Variants in WDR46 observed in about 807,000 individuals in gnomAD.
WDR46 encodes WD repeat-containing protein 46.
A neutral mutation model predicts 74.7 loss-of-function variants in WDR46; 58 were observed. The observed-to-expected ratio is 0.78, with a 90% confidence interval of 0.63 to 0.97. The LOEUF is 0.97. Ranked by LOEUF, WDR46 falls within the 50% of genes least tolerant of loss-of-function variation. The probability of loss-of-function intolerance (pLI) is 0.00; values close to 1 mark genes in which losing one functional copy is unlikely to be tolerated. For synonymous variants in WDR46, 278 were observed against 297.3 expected (o/e 0.93, Z 0.67); for missense variants, 702 against 790.1 (o/e 0.89, Z 1.34).
chr6:33,280,929 A>G lies in WDR46; in HGVS notation c.1174T>C (p.Tyr392His), dbSNP rs1389342352. The part of the protein sequence containing the change: ...QLKIFDLRGT[Y>H]QPLSTRTLPH... Reference sequence around the variant, plus strand: ...AGGGTCCGAGTGCTCAGAGGCTGGTACGTCCCTCGCAAGTCAAAGATCTTC... The same window carrying G: ...AGGGTCCGAGTGCTCAGAGGCTGGTGCGTCCCTCGCAAGTCAAAGATCTTC... Residue 392 changes from tyrosine to histidine, a missense_variant, in exon 11 of 15, where the codon TAC (tyrosine) becomes CAC (histidine). By Grantham distance (83) the Tyr-to-His change is moderately conservative. Transcript: ENST00000374617. 2 of 1,614,044 alleles carry G rather than the reference A, an allele frequency of 1.2e-6. No individual in the cohort carries two copies. The highest frequency in any genetic ancestry group is 3.3e-5 in the Admixed American group (2 of 60,008).
intron 10 of WDR46, among the ~76,000 whole-genome samples, chr6:33,283,252 G>C (rs760000207): frequency 6.6e-6 from 1 of 151,350 alleles, no homozygotes; most frequent in Non-Finnish European, 1.5e-5. Context: ...AGCGGGTGGT[G>C]GGGGGGGTGG....
rs749139919 is a variant in WDR46, at chr6:33,287,359, G to A, written c.875C>T (p.Thr292Ile). 1 of 1,612,910 alleles carries A rather than the reference G, an allele frequency of 6.2e-7. No individual in the cohort carries two copies. The highest frequency in any genetic ancestry group is 2.2e-5 in the East Asian group (1 of 44,820). Residue 292 changes from threonine (T) to isoleucine (I), a missense_variant, in exon 8 of 15, where the codon ACA (threonine) becomes ATA (isoleucine). By Grantham distance (89) the Thr-to-Ile change is moderately conservative. Coordinates refer to ENST00000374617, the MANE Select transcript of WDR46 (RefSeq NM_005452.6). ...EFLPFHFLLA[T>I]ASETGFLTYL... ...CTGAGCTCCATGGCCACTCACAGCT[G>A]TAGCCAGGAGGAAGTGGAAGGGCAG...
rs752198390 is a variant in WDR46 at position 33,279,233 on chromosome 6, G to C, written c.*43C>G. ...AGGGAACACTCATTTCCCTACAGGT[G>C]ATCTTGGGGAGAGACTGTTCCCAGG... On this transcript the variant is annotated 3_prime_UTR_variant, in exon 15 of 15. Coordinates refer to ENST00000374617, the MANE Select transcript of WDR46 (RefSeq NM_005452.6). The C allele has an allele frequency of 6.2e-7, 1 of 1,611,232 alleles. No homozygotes were observed. Among genetic ancestry groups the C allele is most frequent in the Admixed American group, 1.7e-5 (1 of 59,898 alleles).
chr6:33,288,225 C>T lies in WDR46; in HGVS notation c.484G>A (p.Gly162Arg). ...TTTGCTGTGTCTTCCCCATCCTCCC[C>T]TTCCAGAAACCTGAAAGCAAGGGTT... ...LLAEEPGFLE[G>R]EDGEDTAKIC... Residue 162 changes from glycine to arginine, a missense_variant, in exon 5 of 15, where the codon GGG becomes AGG. By Grantham distance (125) the Gly-to-Arg change is moderately radical. Transcript: ENST00000374617. 1.2e-6 allele frequency: 2 copies of T among 1,614,242 alleles called. No individual in the cohort carries two copies. The highest frequency in any genetic ancestry group is 1.7e-6 in the Non-Finnish European group (2 of 1,180,044).
chr6:33,288,527 C>T lies in WDR46; in HGVS notation c.361-57G>A. 3 of 1,609,878 alleles carry T rather than the reference C, an allele frequency of 1.9e-6. No homozygotes were observed. The South Asian group carries it at 3.3e-5, about 18-fold the overall frequency. On this transcript the variant is annotated intron_variant, in intron 3 of 14. Transcript: ENST00000374617. The stretch of plus-strand genomic sequence containing the variant: ...AAGAACCACAGGATAAGTGGGGTCA[C>T]AGGAGAGCTACCTGTCCCAGCCTCC...
chr6:33,287,046 A>G, intron 9 of WDR46, 45 bp downstream of exon 9: 1 of 1,596,674 alleles, frequency 6.3e-7, no homozygotes, highest in African/African-American at 1.3e-5. Context: ...TATAGAAGAA[A>G]AGCAAGTCAG....
In WDR46 at chr6:33,280,979, G is replaced by T; in HGVS notation, c.1124C>A (p.Ala375Asp). Residue 375 changes from alanine (A) to aspartate (D), a missense_variant, in exon 11 of 15, where the codon GCC (alanine) becomes GAC (aspartate). Coordinates refer to ENST00000374617, the MANE Select transcript of WDR46 (RefSeq NM_005452.6). The part of the protein sequence containing the change: ...VAVDSTGTYM[A>D]TSGLDHQLKI... ...CAGCTGGTGGTCTAGGCCAGAGGTG[G>T]CCATGTACCTGGTGAGAGAAGAGGG... 6.2e-7 allele frequency: 1 copy of T among 1,603,898 alleles called. No homozygotes were observed. The highest frequency in any genetic ancestry group is 1.1e-5 in the South Asian group (1 of 90,296).
At position 33,288,815 on chromosome 6, in the gene WDR46, C is replaced by T; in HGVS notation, c.268G>A (p.Gly90Ser). The T allele has an allele frequency of 6.2e-7, 1 of 1,614,112 alleles. No homozygotes were observed. The highest frequency in any genetic ancestry group is 8.5e-7 in the Non-Finnish European group (1 of 1,180,000). The stretch of plus-strand genomic sequence containing the variant: ...GGTCCCACGCTCACCCCGGACAAGC[C>T]GCGCTGGGACTCCGGGTTCTTCCAT... ...REWKNPESQR[G>S]LSGTQDPFPG... The change falls in exon 2 of 15, where the codon GGC (glycine) becomes AGC (serine). Residue 90 changes from glycine to serine, a missense_variant. Coordinates refer to ENST00000374617, the MANE Select transcript of WDR46 (RefSeq NM_005452.6).
Position 33,288,816 on chromosome 6 carries a change from G to A in WDR46, c.267C>T (p.Arg89=). The A allele has an allele frequency of 6.2e-7, 1 of 1,614,118 alleles. No individual in the cohort carries two copies. The highest frequency in any genetic ancestry group is 1.1e-5 in the South Asian group (1 of 91,082). The change falls in exon 2 of 15, where the codon CGC becomes CGT. Residue 89 remains arginine, a synonymous_variant. Transcript: ENST00000374617. ...GTCCCACGCTCACCCCGGACAAGCC[G>A]CGCTGGGACTCCGGGTTCTTCCATT... ...PREWKNPESQ[R]GLSGTQDPFP...
At chr6:33,286,169 A>AG (rs1215414998) in intron 10 of WDR46, among the ~76,000 whole-genome samples, 7 of 150,114 alleles carry the variant, frequency 4.7e-5, no homozygotes, top group South Asian at 2.1e-4. Context: ...AAAAAAGGTC[A>AG]GGCGCAGTGG....
intron 10 of WDR46, among the ~76,000 whole-genome samples, chr6:33,286,404 G>A (rs774132690): frequency 4.6e-5 from 7 of 152,016 alleles, no homozygotes; most frequent in Non-Finnish European, 8.8e-5. Flanking sequence ...CTGAGATTGC[G>A]CCATTGCACT....
chr6:33,280,691 G>A lies in WDR46; in HGVS notation c.1412C>T (p.Thr471Ile), dbSNP rs759112796. The A allele has an allele frequency of 6.3e-7, 1 of 1,586,062 alleles. No homozygotes were observed. Among genetic ancestry groups the A allele is most frequent in the African/African-American group, 1.3e-5 (1 of 74,512 alleles). ...CCACTCACCAGGGACCAGCATGCTG[G>A]TGATGCCCCCAGTGTGCCCCACCCC... Reference protein sequence around the residue: ...VLGVGHTGGITSMLVPGAGEP... With the variant: ...VLGVGHTGGIISMLVPGAGEP... Residue 471 changes from threonine to isoleucine, a missense_variant, in exon 11 of 15, where the codon ACC becomes ATC. By Grantham distance (89) the Thr-to-Ile change is moderately conservative (BLOSUM62 -1). Coordinates refer to ENST00000374617, the MANE Select transcript of WDR46 (RefSeq NM_005452.6).
intron 10 of WDR46, among the ~76,000 whole-genome samples, chr6:33,283,360 G>C (rs948718493): frequency 3.9e-5 from 6 of 152,164 alleles, no homozygotes; most frequent in African/African-American, 1.4e-4. Flanking sequence ...GGAGGTTGAG[G>C]TAGGAGGACC....
chr6:33,288,265 G>T (rs1389039745), intron 4 of WDR46, 30 bp from the exon 5 acceptor site: 1 of 1,613,940 alleles, frequency 6.2e-7, no homozygotes, highest in Admixed American at 1.7e-5. Context: ...TGGCAGTAAA[G>T]CTTCCCAATA....
Position 33,289,187 on chromosome 6 carries a change from G to C in WDR46, c.-17C>G, listed in dbSNP as rs975431129. The stretch of plus-strand genomic sequence containing the variant: ...TGTCTCCATCTCGCCCACCCGAACG[G>C]CGATCCACGTGCAAAACTCCTCTCA... On this transcript the variant is annotated 5_prime_UTR_variant, in exon 1 of 15. Transcript: ENST00000374617. 2 of 1,604,816 alleles carry C rather than the reference G, an allele frequency of 1.2e-6. No individual in the cohort carries two copies. The highest frequency in any genetic ancestry group is 1.7e-6 in the Non-Finnish European group (2 of 1,176,010).
In WDR46 at chr6:33,280,418, G is replaced by A. The variant is rs1316882656; in HGVS notation, c.1524+10C>T. The A allele has an allele frequency of 6.4e-7, 1 of 1,563,528 alleles. No homozygotes were observed. The highest frequency in any genetic ancestry group is 1.4e-5 in the African/African-American group (1 of 73,900). On this transcript the variant is annotated intron_variant, in intron 12 of 14. Coordinates refer to ENST00000374617, the MANE Select transcript of WDR46 (RefSeq NM_005452.6). ...GGGGGATCTCACCCTCTCCAGCAGG[G>A]GAGCCTCACCTTCTCTAGCAGGGCC...
intron 12 of WDR46, 31 bp downstream of exon 12, chr6:33,280,397 G>A (rs213215): frequency 0.55 from 846,687 of 1,550,202 alleles, 234,368 homozygotes; most frequent in East Asian, 0.74. Flanking sequence ...CAATGGGGGG[G>A]ATCTCACCCT....
intron 10 of WDR46, among the ~76,000 whole-genome samples, chr6:33,285,141 T>C (rs1484457625): frequency 6.6e-6 from 1 of 152,202 alleles, no homozygotes; most frequent in Non-Finnish European, 1.5e-5. Flanking sequence ...AATGTTAACC[T>C]CAAAAAGAGA....
At chr6:33,281,059 GC>G in intron 10 of WDR46, 72 bp from the exon 11 acceptor site, 1 of 1,479,594 alleles carries the variant, frequency 6.8e-7, no homozygotes, top group South Asian at 1.3e-5. Flanking sequence ...CCAAGTCCAG[GC>G]ATCAAGTCTG....
Sources: allele counts gnomAD v4.1 joint callset (sites outside exome capture counted in the v4.1 genomes callset), GRCh38; gene constraint gnomAD v4.1.1; transcripts MANE v1.5; gene names NCBI Gene and HGNC (gene_info 2026-07-23, HGNC 2026-07-21).